The following EDRF1 variants were observed in gnomAD, a reference collection of about 807,000 sequenced individuals.
EDRF1 encodes the protein erythroid differentiation-related factor 1.
A neutral mutation model predicts 148.7 loss-of-function variants in EDRF1; 69 were observed. The observed-to-expected ratio is 0.46, with a 90% CI of 0.38 to 0.57. EDRF1 has a LOEUF of 0.57. Among genes scored for constraint, EDRF1 ranks in the 20% least tolerant of loss-of-function variants. EDRF1 has a pLI of 0.00. For missense variants in EDRF1, 1,118 were observed against 1,478.7 expected (o/e 0.76, Z 4.00); for synonymous variants, 515 against 532.8 (o/e 0.97, Z 0.46).
chr10:125,749,040 C>T (rs575241304), intron 21 of EDRF1: 9 of 287,140 alleles, frequency 3.1e-5, no homozygotes, highest in Non-Finnish European at 5.4e-5. Context: ...CATTTGAGGT[C>T]GGGAGTTAGA....
intron 20 of EDRF1, 41 bp downstream of exon 20, chr10:125,747,735 A>G: frequency 6.2e-7 from 1 of 1,612,568 alleles, no homozygotes; most frequent in South Asian, 1.1e-5. Context: ...TTCTCAATCT[A>G]ATTCCCTTGT....
At chr10:125,736,184 A>G (rs76662703) in intron 13 of EDRF1, among the ~76,000 whole-genome samples, 6,053 of 152,232 alleles carry the variant, frequency 0.04, 361 homozygotes, top group African/African-American at 0.14. Flanking sequence ...AGTCATAGTC[A>G]TGTCTCATTA....
rs765326292 is a variant in EDRF1, at chr10:125,723,872, G to T, written c.446G>T (p.Arg149Leu). ...TCGCACGTGAGCATGGCAGTACACCGCATAGGAAGGACTCTCTTACTAGAT... is the reference window on the plus strand; with the variant it reads ...TCGCACGTGAGCATGGCAGTACACCTCATAGGAAGGACTCTCTTACTAGAT... ...SKSHVSMAVH[R>L]IGRTLLLDEL... The change falls in exon 4 of 25, where the codon CGC (arginine) becomes CTC (leucine). Residue 149 changes from arginine (R) to leucine (L), a missense_variant. This residue lies in a region of EDRF1 where 99 missense variants were observed against 186.9 expected (regional missense o/e 0.53). Transcript: ENST00000356792. The T allele has an allele frequency of 6.2e-7, 1 of 1,613,276 alleles. No individual in the cohort carries two copies. The highest frequency in any genetic ancestry group is 8.5e-7 in the Non-Finnish European group (1 of 1,179,606).
chr10:125,724,352 C>T (rs568282572), intron 4 of EDRF1, among the ~76,000 whole-genome samples: 2 of 152,274 alleles, frequency 1.3e-5, no homozygotes, highest in South Asian at 2.1e-4. Context: ...CCCATAATGA[C>T]GTTTCAGTCA....
chr10:125,720,004 T>A (rs1195631268), intron 1 of EDRF1, 89 bp downstream of exon 1: 42 of 1,188,986 alleles, frequency 3.5e-5, no homozygotes, highest in Middle Eastern at 1.9e-4. Flanking sequence ...CCCGGCAGAT[T>A]CTGGAGGCTT....
chr10:125,725,470 G>C lies in EDRF1; in HGVS notation c.635+28G>C, dbSNP rs1369313180. 1.9e-6 allele frequency: 3 copies of C among 1,612,764 alleles called. No homozygotes were observed. In the South Asian group the frequency reaches 3.3e-5, roughly 18 times the overall value. ...ACTTGGCTACTTATTTATCTCTAAA[G>C]AGAAAAAGGGAATTCTGATCTAAAA... On this transcript the variant is annotated intron_variant, in intron 5 of 24. Coordinates refer to ENST00000356792, the MANE Select transcript of EDRF1 (RefSeq NM_001202438.2).
chr10:125,735,540 A>G, intron 12 of EDRF1, 104 bp from the exon 13 acceptor site: 1 of 1,110,206 alleles, frequency 9.0e-7, no homozygotes. Context: ...TATGGTGGAA[A>G]CAGCCTGTGT....
At chr10:125,757,060 TC>T in intron 24 of EDRF1, 1 of 432,746 alleles carries the variant, frequency 2.3e-6, no homozygotes, top group Admixed American at 2.6e-5. Context: ...CAGTCCACCT[TC>T]CCCAGACTCC....
At position 125,729,335 on chromosome 10, in the gene EDRF1, A is replaced by G. The variant is rs756199643; in HGVS notation, c.895-23A>G. On this transcript the variant is annotated intron_variant, in intron 7 of 24. Transcript: ENST00000356792. ...AATTACAGATTGACTGTTTATTATA[A>G]TCCTCCCTATTTTAAATCACAGGGT... The G allele has an allele frequency of 3.0e-5, 49 of 1,610,686 alleles. No individual in the cohort carries two copies. The Admixed American group carries it at 7.7e-4, about 25-fold the overall frequency.
chr10:125,749,455 A>G lies in EDRF1; in HGVS notation c.3167A>G (p.Asp1056Gly), dbSNP rs1386819793. 1 of 1,614,222 alleles carries G rather than the reference A, an allele frequency of 6.2e-7. No homozygotes were observed. Among genetic ancestry groups the G allele is most frequent in the Admixed American group, 1.7e-5 (1 of 60,026 alleles). ...AGGAAACAACACCGGGTGCTGGCAG[A>G]TCTTCATTACAGCAAGGCCGCAAAG... ...HLRKQHRVLADLHYSKAAKLF... is the reference protein window; with the variant it reads ...HLRKQHRVLAGLHYSKAAKLF... Residue 1056 changes from aspartate (D) to glycine (G), a missense_variant, in exon 22 of 25, where the codon GAT becomes GGT. Physicochemically the swap from Asp to Gly is moderately conservative, Grantham distance 94. Around this residue, in one of 3 missense-constraint regions of EDRF1, gnomAD observed 954 missense variants for 1,241.4 expected, o/e 0.77. Coordinates refer to ENST00000356792, the MANE Select transcript of EDRF1 (RefSeq NM_001202438.2).
chr10:125,727,415 T>C (rs1848308686), intron 6 of EDRF1, among the ~76,000 whole-genome samples: 1 of 152,252 alleles, frequency 6.6e-6, no homozygotes, highest in Admixed American at 6.5e-5. Flanking sequence ...GAGGCCTTTG[T>C]TAAGCAGTTA....
intron 24 of EDRF1, chr10:125,756,774 A>C (rs144184010): frequency 9.2e-5 from 38 of 413,466 alleles, no homozygotes; most frequent in African/African-American, 7.6e-4. Flanking sequence ...TATAGGTGGC[A>C]ATAGTTGGGT....
At chr10:125,756,734 G>C in intron 24 of EDRF1, 1 of 363,430 alleles carries the variant, frequency 2.8e-6, no homozygotes, top group South Asian at 2.2e-5. Flanking sequence ...GTCTTTTTTT[G>C]TATGTCTTTT....
At position 125,730,416 on chromosome 10, in the gene EDRF1, TTTTTCTGATCTCTCAAA is replaced by T; in HGVS notation, c.1128+19_1128+35del. 1.3e-6 allele frequency: 2 copies of T among 1,593,492 alleles called. No individual in the cohort carries two copies. Among genetic ancestry groups the T allele is most frequent in the South Asian group, 2.2e-5 (2 of 90,636 alleles). On this transcript the variant is annotated intron_variant, in intron 9 of 24. Coordinates refer to ENST00000356792, the MANE Select transcript of EDRF1 (RefSeq NM_001202438.2). ...ATTGTACAGGTAAGATACAGTGTGA[TTTTTCTGATCTCTCAAA>T]TGCAAATTGGTACAGAGAGTTCCTC...
rs1564737010 is a variant in EDRF1 at position 125,733,665 on chromosome 10, A to G, written c.1307A>G (p.Asp436Gly). ...ASGSDIVKLY[D>G]LTTLCEETED... ...GGCAGCGATATAGTGAAGCTCTATG[A>G]CCTCACTACTCTTTGTGAAGAAACT... is the stretch of plus-strand genomic sequence containing the variant. Residue 436 changes from aspartate to glycine, a missense_variant, in exon 11 of 25, where the codon GAC becomes GGC. Around this residue, in one of 3 missense-constraint regions of EDRF1, gnomAD observed 954 missense variants for 1,241.4 expected, o/e 0.77. Coordinates refer to ENST00000356792, the MANE Select transcript of EDRF1 (RefSeq NM_001202438.2). The G allele has an allele frequency of 6.2e-7, 1 of 1,613,560 alleles. No individual in the cohort carries two copies. Among genetic ancestry groups the G allele is most frequent in the East Asian group, 2.2e-5 (1 of 44,830 alleles).
At chr10:125,722,145 A>G (rs866092911) in intron 2 of EDRF1, among the ~76,000 whole-genome samples, 1 of 152,250 alleles carries the variant, frequency 6.6e-6, no homozygotes, top group East Asian at 1.9e-4. Context: ...AGCATCATTT[A>G]TAGGAGCAAA....
chr10:125,733,291 G>A, intron 9 of EDRF1, 113 bp from the exon 10 acceptor site: 1 of 800,394 alleles, frequency 1.2e-6, no homozygotes, highest in Non-Finnish European at 2.0e-6. Context: ...ACACTTTCAT[G>A]CTACATAGGT....
intron 17 of EDRF1, chr10:125,741,581 T>G (rs1393842738): frequency 3.3e-5 from 9 of 274,856 alleles, no homozygotes. Flanking sequence ...TTAAGCATGA[T>G]CTTGTGTATT....
At chr10:125,734,888 GAAGAGCCA>G (rs913773844) in intron 12 of EDRF1, among the ~76,000 whole-genome samples, 5 of 152,228 alleles carry the variant, frequency 3.3e-5, no homozygotes, top group African/African-American at 9.6e-5. Context: ...ATTTTTCTTT[GAAGAGCCA>G]AAGTAATTTT....
Sources: allele counts gnomAD v4.1 joint callset (sites outside exome capture counted in the v4.1 genomes callset), GRCh38; gene constraint gnomAD v4.1.1; regional missense constraint gnomAD v4.1.1; transcripts MANE v1.5; gene names NCBI Gene and HGNC (gene_info 2026-07-23, HGNC 2026-07-21).